ADAMTS9: variants seen among roughly 807,000 people sequenced by gnomAD.
ADAMTS9 encodes A disintegrin and metalloproteinase with thrombospondin motifs 9.
ADAMTS9 carries 107 observed loss-of-function variants against 257.1 expected under a neutral mutation model. The ratio of observed to expected loss-of-function variants is 0.42; its 90% CI spans 0.36 to 0.49. The LOEUF is 0.49. Among genes scored for constraint, ADAMTS9 ranks in the 20% least tolerant of loss-of-function variants. The pLI, the probability that ADAMTS9 is intolerant of heterozygous loss-of-function variation, is 0.03. For synonymous variants in ADAMTS9, 982 were observed against 880.9 expected, an observed-to-expected ratio of 1.11 and a Z score of -2.03; for missense variants, 2,353 against 2,469.1, an observed-to-expected ratio of 0.95 and a Z score of 1.00.
In ADAMTS9 at chr3:64,621,215, G is replaced by A. The variant is rs1355718213; in HGVS notation, c.2712C>T (p.Cys904=). The stretch of plus-strand genomic sequence containing the variant: ...CAGTAAGCTGATCAGATTCCCTGGT[G>A]CAAACAAGTTTTCGTTTCCGTTCCC... ...CQGERKRKLV[C]TRESDQLTVS... Residue 904 remains cysteine, a synonymous_variant, in exon 19 of 40, where the codon TGC becomes TGT. Transcript: ENST00000498707. 3.7e-6 allele frequency: 6 copies of A among 1,613,566 alleles called. No homozygotes were observed. The highest frequency in any genetic ancestry group is 5.1e-6 in the Non-Finnish European group (6 of 1,179,828).
At chr3:64,655,972 T>C (rs1191583029) in intron 4 of ADAMTS9, 97 bp from the exon 5 acceptor site, 2 of 682,052 alleles carry the variant, frequency 2.9e-6, no homozygotes, top group Non-Finnish European at 2.4e-6. Flanking sequence ...TTTTTACGTT[T>C]CTTGCAACAT....
At chr3:64,649,499 T>C (rs1700878143) in intron 10 of ADAMTS9, 138 bp downstream of exon 10, 3 of 969,338 alleles carry the variant, frequency 3.1e-6, no homozygotes, top group African/African-American at 3.3e-5. Flanking sequence ...TCATAATTAT[T>C]ATGATCACTA....
At position 64,613,673 on chromosome 3, in the gene ADAMTS9, G is replaced by A. The variant is rs73122246; in HGVS notation, c.3190-164C>T. Among the ~76,000 whole-genome samples the A allele has an allele frequency of 3.2e-3, 493 of 152,000 alleles. 3 individuals carry two copies. Among genetic ancestry groups the A allele is most frequent in the South Asian group, 0.02 (95 of 4,812 alleles). On this transcript the variant is annotated intron_variant, in intron 21 of 39. Coordinates refer to ENST00000498707, the MANE Select transcript of ADAMTS9 (RefSeq NM_182920.2). The stretch of plus-strand genomic sequence containing the variant: ...AAGCCTCATTTTTTTCCTTTTGTTC[G>A]TTCATTTATTCATTCATTCTATATT...
intron 22 of ADAMTS9, among the ~76,000 whole-genome samples, chr3:64,609,370 A>G (rs1377708318): frequency 6.6e-6 from 1 of 152,140 alleles, no homozygotes; most frequent in Non-Finnish European, 1.5e-5. Context: ...TCATCATACT[A>G]TACATTGGAA....
Position 64,602,307 on chromosome 3 carries a change from T to C in ADAMTS9, c.3748-94A>G. ...CATTTCTGTAAATGGCCCACCACTT[T>C]CCCAAATTGCTCAGGCCAAAAACCT... On this transcript the variant is annotated intron_variant, in intron 25 of 39. Transcript: ENST00000498707. 2.7e-6 allele frequency: 4 copies of C among 1,474,330 alleles called. 1 individual carries two copies. The highest frequency in any genetic ancestry group is 2.6e-5 in the South Asian group (2 of 77,118). 91.3% of individuals were successfully genotyped at this position (1,474,330 alleles called of 1,614,324 possible). A position where few individuals can be genotyped will look rare whatever the true frequency, so the allele number is the denominator to read the frequency against.
intron 30 of ADAMTS9, among the ~76,000 whole-genome samples, chr3:64,552,919 CTCTTTT>C (rs1016688766): frequency 4.6e-5 from 7 of 152,172 alleles, no homozygotes; most frequent in Non-Finnish European, 7.3e-5. Context: ...GACCCCACCT[CTCTTTT>C]TCATCTAATG....
intron 12 of ADAMTS9, among the ~76,000 whole-genome samples, chr3:64,639,763 G>A (rs535165720): frequency 5.9e-5 from 9 of 152,168 alleles, no homozygotes; most frequent in Non-Finnish European, 1.2e-4. Flanking sequence ...TACGATACAA[G>A]GTTTTCTTTT....
chr3:64,594,555 G>T, intron 27 of ADAMTS9, 121 bp from the exon 28 acceptor site: 1 of 1,210,216 alleles, frequency 8.3e-7, no homozygotes, highest in Non-Finnish European at 1.2e-6. Flanking sequence ...GCCTCTGACA[G>T]ATGGAACCAA....
At chr3:64,601,217 C>T (rs1342791264) in intron 26 of ADAMTS9, among the ~76,000 whole-genome samples, 3 of 152,178 alleles carry the variant, frequency 2.0e-5, no homozygotes, top group Non-Finnish European at 2.9e-5. Context: ...CTGTGGCAGG[C>T]GGGGCGCAAA....
chr3:64,551,048 G>T lies in ADAMTS9; in HGVS notation c.4713C>A (p.Cys1571Ter), dbSNP rs368887757. ...CCTTGCGGTACCTGGAGCCTTCGCCGCAGGTCTTGGTGCACTGTTAAATAC... is the reference window on the plus strand; with the variant it reads ...CCTTGCGGTACCTGGAGCCTTCGCCTCAGGTCTTGGTGCACTGTTAAATAC... ...AEEWQECTKT[C>*]GEGSRYRKVV... The change falls in exon 31 of 40, where the codon TGC becomes TGA. Residue 1571 changes from cysteine to a stop codon, truncating the protein, a stop_gained. Coordinates refer to ENST00000498707, the MANE Select transcript of ADAMTS9 (RefSeq NM_182920.2). LOFTEE classifies it high-confidence loss of function. 6.2e-7 allele frequency: 1 copy of T among 1,614,104 alleles called. No individual in the cohort carries two copies.
intron 11 of ADAMTS9, among the ~76,000 whole-genome samples, chr3:64,646,835 C>A (rs372816714): frequency 1.2e-4 from 19 of 152,210 alleles, no homozygotes; most frequent in Middle Eastern, 3.4e-3. Flanking sequence ...TCAGACAAAG[C>A]AGTAGAGGAA....
intron 32 of ADAMTS9, among the ~76,000 whole-genome samples, chr3:64,546,333 T>C (rs2083198384): frequency 6.6e-6 from 1 of 152,140 alleles, no homozygotes; most frequent in African/African-American, 2.4e-5. Flanking sequence ...CCAAGGAACA[T>C]TTCATTATGG....
chr3:64,611,003 G>C (rs956694675), intron 22 of ADAMTS9, among the ~76,000 whole-genome samples: 7 of 148,266 alleles, frequency 4.7e-5, no homozygotes, highest in African/African-American at 1.8e-4. Flanking sequence ...TTGAACCCAG[G>C]AGGCAGAGGT....
chr3:64,654,699 C>CAACA, intron 6 of ADAMTS9, 87 bp from the exon 7 acceptor site: 1 of 1,424,430 alleles, frequency 7.0e-7, no homozygotes, highest in Non-Finnish European at 9.8e-7. Flanking sequence ...TAGGCATTCA[C>CAACA]AACAGTACAC....
rs543911841 is a variant in ADAMTS9 at position 64,617,734 on chromosome 3, T to C, written c.2814-1564A>G. ...AAAGGTTTTATATATTACAGAACTT[T>C]TCAAGGCCTTCAAAATGTTGATCAG... On this transcript the variant is annotated intron_variant, in intron 19 of 39. Transcript: ENST00000498707. Among the ~76,000 whole-genome samples, 11 of 152,296 alleles carry C rather than the reference T, an allele frequency of 7.2e-5. 1 individual carries two copies. The South Asian group carries it at 2.3e-3, about 32-fold the overall frequency.
intron 32 of ADAMTS9, among the ~76,000 whole-genome samples, chr3:64,546,388 G>T (rs1576002375): frequency 1.3e-5 from 2 of 152,128 alleles, no homozygotes; most frequent in African/African-American, 4.8e-5. Flanking sequence ...TAGCATTTTG[G>T]ATTTTGGATT....
chr3:64,530,013 T>C lies in ADAMTS9; in HGVS notation c.5718+3153A>G, dbSNP rs2082957459. Among the ~76,000 whole-genome samples the C allele has an allele frequency of 2.2e-5, 3 of 137,776 alleles. No homozygotes were observed. The South Asian group carries it at 7.0e-4, about 32-fold the overall frequency. 90.4% of individuals were successfully genotyped at this position (137,776 alleles called of 152,430 possible). ...TTTTTTTTTTTTTTTTTGTAGAGAT[T>C]GGGTCTCCCTGTGTTGCCCAAGCTG... On this transcript the variant is annotated intron_variant, in intron 38 of 39. Transcript: ENST00000498707.
At chr3:64,619,649 A>G (rs886072989) in intron 19 of ADAMTS9, among the ~76,000 whole-genome samples, 3 of 152,164 alleles carry the variant, frequency 2.0e-5, no homozygotes, top group Non-Finnish European at 2.9e-5. Context: ...CCTATTAGTA[A>G]AAGAATATTA....
At chr3:64,572,076 G>T (rs1252760875) in intron 28 of ADAMTS9, among the ~76,000 whole-genome samples, 2 of 142,942 alleles carry the variant, frequency 1.4e-5, no homozygotes, top group Non-Finnish European at 3.0e-5. Flanking sequence ...TTTGCCAATA[G>T]GACTCTGACT....
Sources: gnomAD v4.1 joint callset for allele counts (sites outside exome capture counted in the v4.1 genomes callset) on GRCh38, gnomAD v4.1.1 for gene constraint, MANE v1.5 for transcripts, NCBI Gene and HGNC (gene_info 2026-07-23, HGNC 2026-07-21) for gene names.